ZBTB1: variants seen among roughly 807,000 people sequenced by gnomAD.
ZBTB1 encodes the protein zinc finger and BTB domain containing 1.
A neutral mutation model predicts 51.6 loss-of-function variants in ZBTB1; 13 were observed. The ratio of observed to expected loss-of-function variants is 0.25; its 90% CI spans 0.16 to 0.40. The LOEUF (loss-of-function observed/expected upper bound fraction) is 0.40, where lower values mean the gene tolerates loss of function less well. ZBTB1 is among the 10% of genes least tolerant of loss of function. The pLI is 1.00. For synonymous variants in ZBTB1, 240 were observed against 282.2 expected (o/e 0.85, Z 1.50); for missense variants, 567 against 856.5 (o/e 0.66, Z 4.22).
At chr14:64,521,366 G>T in intron 1 of ZBTB1, 121 bp from the exon 2 acceptor site, 1 of 697,276 alleles carries the variant, frequency 1.4e-6, no homozygotes. Context: ...TTATTAGAAT[G>T]GAAAGCTCTT....
chr14:64,519,305 C>T (rs1016761715), intron 1 of ZBTB1, among the ~76,000 whole-genome samples: 36 of 151,674 alleles, frequency 2.4e-4, no homozygotes, highest in African/African-American at 6.8e-4. Context: ...CCCGCTATCA[C>T]GACTGGCTAA....
intron 1 of ZBTB1, 42 bp downstream of exon 1, chr14:64,504,988 C>T (rs988661867): frequency 7.6e-6 from 3 of 392,406 alleles, no homozygotes; most frequent in African/African-American, 2.1e-5. Context: ...GCAACTTTGG[C>T]CCAGGCCGGA....
At position 64,521,956 on chromosome 14, in the gene ZBTB1, G is replaced by A. The variant is rs2079864024; in HGVS notation, c.452G>A (p.Arg151Gln). The change falls in exon 2 of 2, where the codon CGA becomes CAA. Residue 151 changes from arginine to glutamine, a missense_variant. Around this residue, in one of 5 missense-constraint regions of ZBTB1, gnomAD observed 74 missense variants for 74.9 expected, o/e 0.99. Transcript: ENST00000683701. Reference sequence around the variant, plus strand: ...AGAATGTATGAAGATACTGTGGCTCGAAATGGCAATGAAGCCAACAGGTGG... The same window carrying A: ...AGAATGTATGAAGATACTGTGGCTCAAAATGGCAATGAAGCCAACAGGTGG... ...GVRMYEDTVA[R>Q]NGNEANRWCA... The A allele has an allele frequency of 2.5e-6, 4 of 1,614,162 alleles. No individual in the cohort carries two copies. Among genetic ancestry groups the A allele is most frequent in the Non-Finnish European group, 3.4e-6 (4 of 1,180,024 alleles).
At chr14:64,511,542 C>G (rs1286304578) in intron 1 of ZBTB1, among the ~76,000 whole-genome samples, 1 of 146,178 alleles carries the variant, frequency 6.8e-6, no homozygotes, top group East Asian at 2.0e-4. Context: ...GGAATTAAAA[C>G]TTTACATCTT....
At chr14:64,514,428 T>A (rs1381659590) in intron 1 of ZBTB1, 1 of 152,232 alleles carries the variant, frequency 6.6e-6, no homozygotes, top group East Asian at 1.9e-4. Flanking sequence ...AGAAACACTT[T>A]AAAATTCCTT....
chr14:64,524,312 TTA>T lies in ZBTB1; in HGVS notation c.*670_*671del. 1.1e-6 allele frequency: 1 copy of T among 942,108 alleles called. No individual in the cohort carries two copies. Among genetic ancestry groups the T allele is most frequent in the Non-Finnish European group, 1.3e-6 (1 of 790,632 alleles). 58.4% of individuals were successfully genotyped at this position (942,108 alleles called of 1,614,324 possible). A position where few individuals can be genotyped will look rare whatever the true frequency, so the allele number is the denominator to read the frequency against. On this transcript the variant is annotated 3_prime_UTR_variant, in exon 2 of 2. Transcript: ENST00000683701. ...ATCATTTAATTATCACATTTAAAAC[TTA>T]TATTAAGTGTAAATTCCAGTGGCTT... is the stretch of plus-strand genomic sequence containing the variant.
intron 1 of ZBTB1, among the ~76,000 whole-genome samples, chr14:64,513,023 C>G (rs149449379): frequency 6.6e-6 from 1 of 152,072 alleles, no homozygotes; most frequent in South Asian, 2.1e-4. Flanking sequence ...GTTATTTAAT[C>G]TTGAAAATGA....
chr14:64,517,793 T>G (rs1443839557), intron 1 of ZBTB1, among the ~76,000 whole-genome samples: 4 of 128,660 alleles, frequency 3.1e-5, no homozygotes, highest in African/African-American at 1.2e-4. Flanking sequence ...TTTTTTTTTT[T>G]TTTTTTTTTT....
chr14:64,523,774 T>C lies in ZBTB1; in HGVS notation c.*128T>C. ...ACAAATTTCAAGGCCCTTTTAACTT[T>C]AATATTTTTGTTTAGGATTTTAAGT... On this transcript the variant is annotated 3_prime_UTR_variant, in exon 2 of 2. Coordinates refer to ENST00000683701, the MANE Select transcript of ZBTB1 (RefSeq NM_001123329.2). The surrounding 1 kb of genome is among the most constrained non-coding windows in gnomAD (Gnocchi z 4.5). 2 of 1,366,050 alleles carry C rather than the reference T, an allele frequency of 1.5e-6. No homozygotes were observed. Among genetic ancestry groups the C allele is most frequent in the Non-Finnish European group, 1.9e-6 (2 of 1,055,630 alleles). The allele number at this position is 1,366,050 out of a possible 1,614,324, so 84.6% of individuals were successfully genotyped here.
intron 2 of ZBTB1, chr14:64,531,725 A>G (rs757472720): frequency 3.6e-5 from 33 of 908,594 alleles, no homozygotes; most frequent in East Asian, 8.0e-5. Flanking sequence ...TTGTGTTTCT[A>G]TTCTCTGTTC....
Position 64,522,254 on chromosome 14 carries a change from C to T in ZBTB1, c.750C>T (p.Tyr250=), listed in dbSNP as rs763430400. The change falls in exon 2 of 2, where the codon TAC becomes TAT. Residue 250 remains tyrosine, a synonymous_variant. Transcript: ENST00000683701. The part of the protein sequence containing the change: ...NRHLYQNTRS[Y]HRIVDIRDGK... ...ATTTATACCAAAACACAAGATCTTA[C>T]CATAGAATAGTAGATATTAGAGATG... The T allele has an allele frequency of 3.1e-6, 5 of 1,614,004 alleles. No individual in the cohort carries two copies. Among genetic ancestry groups the T allele is most frequent in the Admixed American group, 1.7e-5 (1 of 60,000 alleles).
rs1220336751 is a variant in ZBTB1, at chr14:64,523,110, T to C, written c.1606T>C (p.Cys536Arg). Residue 536 changes from cysteine to arginine, a missense_variant, in exon 2 of 2, where the codon TGT becomes CGT. Around this residue, in one of 5 missense-constraint regions of ZBTB1, gnomAD observed 329 missense variants for 406.3 expected, o/e 0.81. Coordinates refer to ENST00000683701, the MANE Select transcript of ZBTB1 (RefSeq NM_001123329.2). The surrounding 1 kb of genome is among the most constrained non-coding windows in gnomAD (Gnocchi z 4.5). ...LFKHSACPFR[C>R]PNCGQRFETE... ...TAAACATTCTGCCTGCCCTTTTCGA[T>C]GTCCTAATTGTGGCCAGCGTTTTGA... 1.9e-6 allele frequency: 3 copies of C among 1,614,240 alleles called. No homozygotes were observed. The highest frequency in any genetic ancestry group is 2.2e-5 in the South Asian group (2 of 91,090).
At position 64,523,146 on chromosome 14, in the gene ZBTB1, C is replaced by T. The variant is rs555900726; in HGVS notation, c.1642C>T (p.Leu548=). The change falls in exon 2 of 2, where the codon CTA becomes TTA. Residue 548 remains leucine (L), a synonymous_variant. Coordinates refer to ENST00000683701, the MANE Select transcript of ZBTB1 (RefSeq NM_001123329.2). The surrounding 1 kb of genome is among the most constrained non-coding windows in gnomAD (Gnocchi z 4.5). ...NCGQRFETEN[L]VVEHMSSCLD... ...TGGCCAGCGTTTTGAAACTGAAAAT[C>T]TAGTGGTTGAACATATGTCTAGCTG... 6.2e-7 allele frequency: 1 copy of T among 1,614,126 alleles called. No individual in the cohort carries two copies.
At position 64,522,614 on chromosome 14, in the gene ZBTB1, T is replaced by A; in HGVS notation, c.1110T>A (p.Tyr370Ter). 6.2e-7 allele frequency: 1 copy of A among 1,614,168 alleles called. No individual in the cohort carries two copies. Among genetic ancestry groups the A allele is most frequent in the Non-Finnish European group, 8.5e-7 (1 of 1,180,016 alleles). ...ELEDEPEEPF[Y>*]RYYVEEDVSI... is the part of the protein sequence containing the mutation. ...AAGATGAACCTGAAGAGCCATTTTATAGATACTATGTTGAAGAAGATGTCA... is the reference window on the plus strand; with the variant it reads ...AAGATGAACCTGAAGAGCCATTTTAAAGATACTATGTTGAAGAAGATGTCA... Residue 370 changes from tyrosine to a stop codon, truncating the protein, a stop_gained, in exon 2 of 2, where the codon TAT (tyrosine) becomes TAA (stop). Transcript: ENST00000683701. LOFTEE classifies it high-confidence loss of function.
intron 1 of ZBTB1, among the ~76,000 whole-genome samples, chr14:64,520,597 A>G (rs1005004223): frequency 2.0e-5 from 3 of 152,074 alleles, no homozygotes; most frequent in Admixed American, 2.0e-4. Context: ...TGTATCATCT[A>G]TTGCTCCCCA....
downstream of ZBTB1, among the ~76,000 whole-genome samples, chr14:64,527,793 C>T (rs752838799): frequency 3.3e-5 from 5 of 151,698 alleles, no homozygotes; most frequent in East Asian, 1.9e-4. Flanking sequence ...ATAATACACA[C>T]GAAAAATCAT....
chr14:64,506,649 T>TA (rs1462042978), intron 1 of ZBTB1, among the ~76,000 whole-genome samples: 4 of 152,248 alleles, frequency 2.6e-5, no homozygotes, highest in Admixed American at 6.5e-5. Flanking sequence ...GTTAACCTCT[T>TA]ACATTCGTTT....
chr14:64,528,344 C>CTTTTTTTTTTTTTTTTTTTTTT, downstream of ZBTB1, among the ~76,000 whole-genome samples: 1 of 115,536 alleles, frequency 8.7e-6, no homozygotes, highest in Non-Finnish European at 1.7e-5. Flanking sequence ...TTTTTCTTTT[C>CTTTTTTTTTTTTTTTTTTTTTT]TTTTTTTTTT....
upstream of ZBTB1, chr14:64,504,701 G>C: frequency 2.7e-6 from 1 of 369,118 alleles, no homozygotes; most frequent in Non-Finnish European, 4.8e-6. Flanking sequence ...CAGACCCGGA[G>C]TCGCCGCGTA....
Sources: allele counts gnomAD v4.1 joint callset (sites outside exome capture counted in the v4.1 genomes callset), GRCh38; gene constraint gnomAD v4.1.1; regional missense constraint gnomAD v4.1.1; non-coding constraint Gnocchi (gnomAD v3.1); transcripts MANE v1.5; gene names NCBI Gene and HGNC (gene_info 2026-07-23, HGNC 2026-07-21).